The following ZFP2 variants were observed in gnomAD, a reference collection of about 807,000 sequenced individuals.
The protein encoded by ZFP2 is zinc finger protein ZFP2.
In ZFP2, 33 loss-of-function variants were observed where a neutral mutation model predicts 36.1. The observed-to-expected ratio is 0.92, with a 90% confidence interval of 0.69 to 1.22. The LOEUF (loss-of-function observed/expected upper bound fraction) is 1.22, where lower values mean the gene tolerates loss of function less well. Among genes scored for constraint, ZFP2 ranks in the 50% most tolerant of loss-of-function variants. The pLI is 0.00. For missense variants in ZFP2, 522 were observed against 551.4 expected (o/e 0.95, Z 0.53); for synonymous variants, 170 against 178.0 (o/e 0.96, Z 0.36).
chr5:178,898,647 C>T (rs1757987533), intron 1 of ZFP2, among the ~76,000 whole-genome samples: 1 of 152,238 alleles, frequency 6.6e-6, no homozygotes, highest in South Asian at 2.1e-4. Flanking sequence ...AAGGCAATGG[C>T]TGCTTGGCCT....
chr5:178,906,497 A>G (rs770620696), intron 1 of ZFP2, among the ~76,000 whole-genome samples: 4 of 151,896 alleles, frequency 2.6e-5, no homozygotes, highest in Admixed American at 6.6e-5. Flanking sequence ...TGTTTTACGT[A>G]TATCTTTTGT....
rs746884918 is a variant in ZFP2 at position 178,931,836 on chromosome 5, G to A, written c.523G>A (p.Val175Ile). Residue 175 changes from valine to isoleucine, a missense_variant, in exon 5 of 5, where the codon GTC becomes ATC. Physicochemically the swap from Val to Ile is conservative, Grantham distance 29. Transcript: ENST00000361362. ...KAFSQSMNLTVHQRTHTGEKP... is the reference protein window; with the variant it reads ...KAFSQSMNLTIHQRTHTGEKP... The stretch of plus-strand genomic sequence containing the variant: ...CTTTAGTCAGAGCATGAATCTTACT[G>A]TCCATCAACGAACTCACACCGGAGA... 28 of 1,612,602 alleles carry A rather than the reference G, an allele frequency of 1.7e-5. No individual in the cohort carries two copies. The Admixed American group carries it at 2.3e-4, about 13-fold the overall frequency.
At chr5:178,912,345 C>G (rs889537741) in intron 1 of ZFP2, among the ~76,000 whole-genome samples, 1 of 152,188 alleles carries the variant, frequency 6.6e-6, no homozygotes, top group Non-Finnish European at 1.5e-5. Context: ...CCATGGGAAT[C>G]TAGAGCCGCC....
intron 4 of ZFP2, among the ~76,000 whole-genome samples, chr5:178,920,659 A>G (rs1170720164): frequency 2.0e-5 from 3 of 151,568 alleles, no homozygotes; most frequent in Non-Finnish European, 2.9e-5. Flanking sequence ...AAAATTGTAT[A>G]TTTTTCACTT....
Position 178,932,763 on chromosome 5 carries a change from A to C in ZFP2, c.*64A>C. On this transcript the variant is annotated 3_prime_UTR_variant, in exon 5 of 5. Transcript: ENST00000361362. ...TCAGTAATAATCATATGAGACATAC[A>C]ATGTAGAAACCTAATAAATGTAATG... The C allele has an allele frequency of 6.6e-7, 1 of 1,506,872 alleles. No individual in the cohort carries two copies. The highest frequency in any genetic ancestry group is 2.3e-5 in the East Asian group (1 of 44,026). The allele number at this position is 1,506,872 out of a possible 1,614,324, so 93.3% of individuals were successfully genotyped here.
intron 3 of ZFP2, among the ~76,000 whole-genome samples, chr5:178,915,322 CTTTT>C (rs769089977): frequency 8.3e-5 from 6 of 72,688 alleles, no homozygotes; most frequent in Admixed American, 2.0e-4. Flanking sequence ...GTTTTTCTTT[CTTTT>C]TTTTTTTTTT....
chr5:178,931,376 A>C lies in ZFP2; in HGVS notation c.63A>C (p.Leu21Phe), dbSNP rs1758833143. The C allele has an allele frequency of 6.2e-7, 1 of 1,614,002 alleles. No individual in the cohort carries two copies. Residue 21 changes from leucine to phenylalanine, a missense_variant, in exon 5 of 5, where the codon TTA becomes TTC. Transcript: ENST00000361362. ...AAACCTGGGAACCTAATAATTGGTT[A>C]GAGGGACAACAGGATAGTCATCTGA... ...LGETWEPNNW[L>F]EGQQDSHLSQ...
At chr5:178,924,660 T>G (rs1173455507) in intron 4 of ZFP2, among the ~76,000 whole-genome samples, 1 of 147,836 alleles carries the variant, frequency 6.8e-6, no homozygotes, top group Non-Finnish European at 1.5e-5. Context: ...GCCAACATGG[T>G]GAAACCCCAT....
At position 178,915,322 on chromosome 5, in the gene ZFP2, C is replaced by CTTTT. The variant is rs769089977; in HGVS notation, c.-223-1223_-223-1220dup. On this transcript the variant is annotated intron_variant, in intron 3 of 4. Coordinates refer to ENST00000361362, the MANE Select transcript of ZFP2 (RefSeq NM_030613.4). ...GGTTAGAACCTAAAGGTTTTTCTTT[C>CTTTT]TTTTTTTTTTTTTTTTTTTTTTTGA... Among the ~76,000 whole-genome samples the CTTTT allele has an allele frequency of 8.1e-3, 592 of 72,686 alleles. 7 individuals are homozygous for CTTTT. The highest frequency in any genetic ancestry group is 0.011 in the Middle Eastern group (1 of 90). The allele number at this position is 72,686 out of a possible 152,430, so 47.7% of individuals were successfully genotyped here. A position where few individuals can be genotyped will look rare whatever the true frequency, so the allele number is the denominator to read the frequency against.
chr5:178,930,277 T>C (rs1219718231), intron 4 of ZFP2, among the ~76,000 whole-genome samples: 1 of 151,380 alleles, frequency 6.6e-6, no homozygotes, highest in Non-Finnish European at 1.5e-5. Context: ...TTTTATTTAC[T>C]TCCTATATCA....
At position 178,912,668 on chromosome 5, in the gene ZFP2, A is replaced by C. The variant is rs1758321389; in HGVS notation, c.-365A>C. On this transcript the variant is annotated 5_prime_UTR_variant, in exon 2 of 5. Coordinates refer to ENST00000361362, the MANE Select transcript of ZFP2 (RefSeq NM_030613.4). The stretch of plus-strand genomic sequence containing the variant: ...TCAAGCAGATTCTGCTCAGAGGATG[A>C]CCGTGTATGGGGAGGTGATGCTGGA... 9.4e-7 allele frequency: 1 copy of C among 1,062,562 alleles called. No homozygotes were observed. The highest frequency in any genetic ancestry group is 1.7e-5 in the African/African-American group (1 of 59,284). 65.8% of individuals were successfully genotyped at this position (1,062,562 alleles called of 1,614,324 possible).
At chr5:178,914,661 G>C (rs1758380822) in intron 3 of ZFP2, among the ~76,000 whole-genome samples, 1 of 152,080 alleles carries the variant, frequency 6.6e-6, no homozygotes, top group Non-Finnish European at 1.5e-5. Flanking sequence ...GAAGGGAGGG[G>C]GGGACAGAAG....
At chr5:178,929,689 C>G (rs1225374487) in intron 4 of ZFP2, among the ~76,000 whole-genome samples, 1 of 152,210 alleles carries the variant, frequency 6.6e-6, no homozygotes, top group Middle Eastern at 3.2e-3. Flanking sequence ...CAAACTCTCT[C>G]TTATCTTCCT....
chr5:178,931,692 G>C lies in ZFP2; in HGVS notation c.379G>C (p.Glu127Gln). Reference sequence around the variant, plus strand: ...TAAGCACCAGAGGATTCATACTGGGGAGAAACCCTATAAGTGTAATGTATG... The same window carrying C: ...TAAGCACCAGAGGATTCATACTGGGCAGAAACCCTATAAGTGTAATGTATG... Reference protein sequence around the residue: ...LLKHQRIHTGEKPYKCNVCGK... With the variant: ...LLKHQRIHTGQKPYKCNVCGK... The change falls in exon 5 of 5, where the codon GAG (glutamate) becomes CAG (glutamine). Residue 127 changes from glutamate to glutamine, a missense_variant. By Grantham distance (29) the Glu-to-Gln change is conservative (BLOSUM62 2). Coordinates refer to ENST00000361362, the MANE Select transcript of ZFP2 (RefSeq NM_030613.4). 1 of 1,614,182 alleles carries C rather than the reference G, an allele frequency of 6.2e-7. No homozygotes were observed. The highest frequency in any genetic ancestry group is 8.5e-7 in the Non-Finnish European group (1 of 1,180,030).
intron 1 of ZFP2, among the ~76,000 whole-genome samples, chr5:178,907,304 T>C (rs2113066803): frequency 6.6e-6 from 1 of 152,022 alleles, no homozygotes; most frequent in Middle Eastern, 3.4e-3. Flanking sequence ...CAAAGGAATA[T>C]AGATACATAT....
At chr5:178,898,313 A>G (rs1472933582) in intron 1 of ZFP2, among the ~76,000 whole-genome samples, 2 of 152,192 alleles carry the variant, frequency 1.3e-5, no homozygotes, top group Non-Finnish European at 2.9e-5. Context: ...ATTGTTACTT[A>G]GGCATAACTT....
Position 178,931,219 on chromosome 5 carries a change from A to ATTT in ZFP2, c.-77-6_-77-4dup. 3.0e-6 allele frequency: 4 copies of ATTT among 1,344,944 alleles called. No homozygotes were observed. The highest frequency in any genetic ancestry group is 1.6e-5 in the South Asian group (1 of 63,518). 83.3% of individuals were successfully genotyped at this position (1,344,944 alleles called of 1,614,324 possible). A position where few individuals can be genotyped will look rare whatever the true frequency, so the allele number is the denominator to read the frequency against. ...AGCACAGAAACCAATGTGCATTTGA[A>ATTT]TTTTTTTTTTTTTTCAGACTGGGAG... On this transcript the variant is annotated splice_polypyrimidine_tract_variant and intron_variant, in intron 4 of 4. Coordinates refer to ENST00000361362, the MANE Select transcript of ZFP2 (RefSeq NM_030613.4).
chr5:178,912,919 C>CTGCTA, intron 2 of ZFP2, 63 bp from the exon 3 acceptor site: 1 of 943,190 alleles, frequency 1.1e-6, no homozygotes. Flanking sequence ...GATCAGAACT[C>CTGCTA]TGCTAGGATT....
At chr5:178,930,857 C>T (rs182912712) in intron 4 of ZFP2, among the ~76,000 whole-genome samples, 1 of 152,274 alleles carries the variant, frequency 6.6e-6, no homozygotes, top group Admixed American at 6.5e-5. Flanking sequence ...GTACAGTGTG[C>T]AGGGTTTCCT....
Sources: allele counts gnomAD v4.1 joint callset (sites outside exome capture counted in the v4.1 genomes callset), GRCh38; gene constraint gnomAD v4.1.1; transcripts MANE v1.5; gene names NCBI Gene and HGNC (gene_info 2026-07-23, HGNC 2026-07-21).